SUGCT: variants seen among roughly 807,000 people sequenced by gnomAD.
The protein encoded by SUGCT is succinyl-CoA:glutarate-CoA transferase, also known as succinyl-CoA:glutarate CoA-transferase.
Under a neutral mutation model 55.0 loss-of-function variants are expected in SUGCT, and 41 were observed. The ratio of observed to expected loss-of-function variants is 0.74; its 90% confidence interval spans 0.58 to 0.97. SUGCT has a LOEUF of 0.97. Among genes scored for constraint, SUGCT ranks in the 50% least tolerant of loss-of-function variants. SUGCT has a pLI of 0.00. For synonymous variants in SUGCT, 187 were observed against 200.4 expected, an observed-to-expected ratio of 0.93 and a Z score of 0.56; for missense variants, 568 against 547.8, an observed-to-expected ratio of 1.04 and a Z score of -0.37.
chr7:40,617,766 A>AT (rs1438680888), intron 12 of SUGCT, among the ~76,000 whole-genome samples: 1 of 152,074 alleles, frequency 6.6e-6, no homozygotes, highest in Non-Finnish European at 1.5e-5. Context: ...TGTGACTATA[A>AT]TTTTTTCTCA....
In SUGCT at chr7:40,195,072, C is replaced by T. The variant is rs1786165935; in HGVS notation, c.484+12C>T. 1 of 1,607,344 alleles carries T rather than the reference C, an allele frequency of 6.2e-7. No individual in the cohort carries two copies. The highest frequency in any genetic ancestry group is 8.5e-7 in the Non-Finnish European group (1 of 1,176,602). Reference sequence around the variant, plus strand: ...TTGTTCCATCACAGGTATTTCAACCCCACACCCTTGTCAGTTAAAAGGTTT... The same window carrying T: ...TTGTTCCATCACAGGTATTTCAACCTCACACCCTTGTCAGTTAAAAGGTTT... On this transcript the variant is annotated intron_variant, in intron 6 of 13. Coordinates refer to ENST00000335693, the MANE Select transcript of SUGCT (RefSeq NM_001193313.2).
the SUGCT span, among the ~76,000 whole-genome samples, chr7:41,009,654 C>T: frequency 2.6e-5 from 4 of 151,990 alleles, no homozygotes; most frequent in Admixed American, 2.6e-4. Flanking sequence ...ACCATCCATC[C>T]TTCCTTCCAT....
intron 12 of SUGCT, among the ~76,000 whole-genome samples, chr7:40,602,949 A>G (rs1798362423): frequency 6.6e-6 from 1 of 152,212 alleles, no homozygotes; most frequent in African/African-American, 2.4e-5. Flanking sequence ...GCTGCTTTTC[A>G]GAACTGCAGT....
the SUGCT span, among the ~76,000 whole-genome samples, chr7:40,905,091 C>A: frequency 2.0e-5 from 3 of 152,156 alleles, no homozygotes; most frequent in Non-Finnish European, 4.4e-5. Flanking sequence ...AATTTTCGAG[C>A]ATTTTCTGTG....
chr7:40,498,397 T>G (rs1204636158), intron 12 of SUGCT, among the ~76,000 whole-genome samples: 1 of 152,226 alleles, frequency 6.6e-6, no homozygotes, highest in East Asian at 1.9e-4. Context: ...AGGTAGGGGT[T>G]AATGAGTTGT....
chr7:40,741,677 C>G (rs914596274), intron 12 of SUGCT, among the ~76,000 whole-genome samples: 1 of 152,144 alleles, frequency 6.6e-6, no homozygotes, highest in Non-Finnish European at 1.5e-5. Flanking sequence ...GGTAAAATAA[C>G]TGGAAGCTAC....
chr7:40,962,322 C>G, the SUGCT span, among the ~76,000 whole-genome samples: 1 of 152,076 alleles, frequency 6.6e-6, no homozygotes, highest in African/African-American at 2.4e-5. Flanking sequence ...TAGCTAGACA[C>G]AGAGCACTGA....
intron 12 of SUGCT, among the ~76,000 whole-genome samples, chr7:40,746,527 C>T (rs1787741793): frequency 6.6e-6 from 1 of 152,018 alleles, no homozygotes; most frequent in Non-Finnish European, 1.5e-5. Flanking sequence ...CTTCCTCTGC[C>T]GAATGTAAGA....
At position 40,860,482 on chromosome 7, in the gene SUGCT, A is replaced by G. The variant is rs1794447433; in HGVS notation, c.*3A>G. ...TGGACCAACATGAAACTCACTGACA[A>G]AGGAAAAGGGCTCTTCCTCATAACC... On this transcript the variant is annotated 3_prime_UTR_variant, in exon 14 of 14. Coordinates refer to ENST00000335693, the MANE Select transcript of SUGCT (RefSeq NM_001193313.2). 6.2e-7 allele frequency: 1 copy of G among 1,608,574 alleles called. No homozygotes were observed. The highest frequency in any genetic ancestry group is 1.7e-5 in the Admixed American group (1 of 59,768).
intron 5 of SUGCT, among the ~76,000 whole-genome samples, chr7:40,192,164 T>G (rs1356124545): frequency 6.7e-6 from 1 of 150,122 alleles, no homozygotes; most frequent in African/African-American, 2.4e-5. Context: ...CATTTAGGCC[T>G]TGGTGGCTAT....
At chr7:40,195,167 C>A in intron 6 of SUGCT, 107 bp downstream of exon 6, 1 of 1,225,750 alleles carries the variant, frequency 8.2e-7, no homozygotes, top group Non-Finnish European at 1.1e-6. Flanking sequence ...GGAAGTTATT[C>A]TGTTTTCCTT....
chr7:40,560,699 T>A (rs1795788192), intron 12 of SUGCT, among the ~76,000 whole-genome samples: 1 of 152,254 alleles, frequency 6.6e-6, no homozygotes, highest in African/African-American at 2.4e-5. Context: ...TGTCTTTATT[T>A]ATTTACTTCC....
chr7:40,249,315 A>ATCTATATCTATATATCTATC (rs1314961773), intron 7 of SUGCT, among the ~76,000 whole-genome samples: 1 of 33,516 alleles, frequency 3.0e-5, no homozygotes, highest in Non-Finnish European at 6.3e-5. Flanking sequence ...CCAAAAAGCT[A>ATCTATATCTATATATCTATC]TATATATATA....
intron 8 of SUGCT, among the ~76,000 whole-genome samples, chr7:40,304,658 C>T (rs1458257299): frequency 6.6e-6 from 1 of 150,586 alleles, no homozygotes; most frequent in Non-Finnish European, 1.5e-5. Context: ...CATAGCTTAA[C>T]TCCCACATAT....
intron 12 of SUGCT, among the ~76,000 whole-genome samples, chr7:40,576,578 G>A (rs990562282): frequency 1.3e-5 from 2 of 152,202 alleles, no homozygotes; most frequent in Non-Finnish European, 2.9e-5. Context: ...GGGCATGGCT[G>A]TTCACAATTT....
chr7:40,198,417 G>A (rs558588509), intron 6 of SUGCT, among the ~76,000 whole-genome samples: 3 of 152,212 alleles, frequency 2.0e-5, no homozygotes, highest in South Asian at 2.1e-4. Flanking sequence ...ATTTTCTTTC[G>A]CTTGTTAATT....
rs73689846 is a variant in SUGCT at position 40,768,050 on chromosome 7, G to A, written c.1153+18553G>A. ...TGAGGACTGGCCATGGGTCATCTGA[G>A]CTTGGACCAAGAATGCCCCATACTC... On this transcript the variant is annotated intron_variant, in intron 13 of 13. Coordinates refer to ENST00000335693, the MANE Select transcript of SUGCT (RefSeq NM_001193313.2). Among the ~76,000 whole-genome samples, 791 of 152,320 alleles carry A rather than the reference G, an allele frequency of 5.2e-3. 9 individuals are homozygous for A. The highest frequency in any genetic ancestry group is 0.018 in the African/African-American group (757 of 41,568).
At position 40,312,530 on chromosome 7, in the gene SUGCT, T is replaced by C. The variant is rs543887914; in HGVS notation, c.721-4230T>C. ...TATGGGGTGGGTTCTATGAATTCCA[T>C]AGGTGACTGGGGGGATGCATGGGTA... On this transcript the variant is annotated intron_variant, in intron 8 of 13. Transcript: ENST00000335693. Among the ~76,000 whole-genome samples the C allele has an allele frequency of 2.8e-4, 43 of 152,242 alleles. No homozygotes were observed. In the South Asian group the frequency reaches 7.7e-3, roughly 27 times the overall value.
chr7:40,179,713 A>G (rs1426619100), intron 1 of SUGCT, among the ~76,000 whole-genome samples: 1 of 152,226 alleles, frequency 6.6e-6, no homozygotes, highest in Non-Finnish European at 1.5e-5. Flanking sequence ...GGACTGCTGC[A>G]ATGATAGTCT....
Sources: gnomAD v4.1 joint callset for allele counts (sites outside exome capture counted in the v4.1 genomes callset) on GRCh38, gnomAD v4.1.1 for gene constraint, MANE v1.5 for transcripts, NCBI Gene and HGNC (gene_info 2026-07-23, HGNC 2026-07-21) for gene names.